PTCHD4: variants seen among roughly 807,000 people sequenced by gnomAD.
PTCHD4 encodes the protein patched domain-containing protein 4.
Under a neutral mutation model 58.1 loss-of-function variants are expected in PTCHD4, and 33 were observed. The ratio of observed to expected loss-of-function variants is 0.57; its 90% CI spans 0.43 to 0.76. PTCHD4 has a LOEUF of 0.76. Ranked by LOEUF, PTCHD4 falls within the 30% of genes least tolerant of loss-of-function variation. The probability of loss-of-function intolerance (pLI) is 0.00; values close to 1 mark genes in which losing one functional copy is unlikely to be tolerated. For missense variants in PTCHD4, 1,058 were observed against 1,027.1 expected, an observed-to-expected ratio of 1.03 and a Z score of -0.41; for synonymous variants, 478 against 409.6, an observed-to-expected ratio of 1.17 and a Z score of -2.02.
intron 3 of PTCHD4, among the ~76,000 whole-genome samples, chr6:48,041,290 C>A (rs186883106): frequency 1.7e-4 from 26 of 152,138 alleles, no homozygotes. Flanking sequence ...CTTTCCCTTA[C>A]TTAGTAATAT....
intron 4 of PTCHD4, among the ~76,000 whole-genome samples, chr6:47,893,697 G>T (rs186826965): frequency 6.6e-6 from 1 of 152,052 alleles, no homozygotes; most frequent in Admixed American, 6.5e-5. Flanking sequence ...ACAAATATCT[G>T]GTACACAATT....
intron 4 of PTCHD4, among the ~76,000 whole-genome samples, chr6:47,979,317 T>C (rs546866914): frequency 1.8e-4 from 28 of 151,942 alleles, no homozygotes; most frequent in Admixed American, 1.2e-3. Flanking sequence ...CTTGTGCATT[T>C]ATTGTATATA....
chr6:47,938,269 G>C (rs1444497080), intron 4 of PTCHD4, among the ~76,000 whole-genome samples: 3 of 152,212 alleles, frequency 2.0e-5, no homozygotes, highest in African/African-American at 4.8e-5. Context: ...TAGCAGTGTG[G>C]AGGTCAATGG....
At chr6:48,074,434 A>G (rs115934391) in intron 1 of PTCHD4, among the ~76,000 whole-genome samples, 73 of 152,354 alleles carry the variant, frequency 4.8e-4, no homozygotes, top group African/African-American at 1.7e-3. Flanking sequence ...CAAGATCCCA[A>G]GGAAGAAGCT....
chr6:47,935,224 AAATT>A (rs1425688961), intron 4 of PTCHD4, among the ~76,000 whole-genome samples: 1 of 152,198 alleles, frequency 6.6e-6, no homozygotes, highest in Non-Finnish European at 1.5e-5. Flanking sequence ...TTCTTGGGTT[AAATT>A]AATTAATTAA....
chr6:47,982,320 A>G (rs1343062805), intron 4 of PTCHD4, among the ~76,000 whole-genome samples: 1 of 152,012 alleles, frequency 6.6e-6, no homozygotes, highest in African/African-American at 2.4e-5. Context: ...TCTCCAACAA[A>G]TCTATCACAA....
intron 3 of PTCHD4, among the ~76,000 whole-genome samples, chr6:48,024,137 C>A (rs906806284): frequency 6.6e-6 from 1 of 152,074 alleles, no homozygotes; most frequent in African/African-American, 2.4e-5. Context: ...AGATAGCACC[C>A]TGTCTGTTAT....
rs10948386 is a variant in PTCHD4, at chr6:47,861,405, T to G, written c.*16898A>C. On this transcript the variant is annotated 3_prime_UTR_variant, in exon 5 of 5. Coordinates refer to ENST00000339488, the MANE Select transcript of PTCHD4 (RefSeq NM_001384253.1). The stretch of plus-strand genomic sequence containing the variant: ...GTAAAATTATGAGTTTGGGAACCTA[T>G]TTACACTTACATTCACTAATTTGTT... 0.62 allele frequency among the ~76,000 whole-genome samples: 93,830 copies of G among 151,736 alleles called. 29,670 individuals carry two copies. The highest frequency in any genetic ancestry group is 0.78 in the East Asian group (4,014 of 5,128).
At chr6:47,941,405 G>A (rs990479117) in intron 4 of PTCHD4, among the ~76,000 whole-genome samples, 3 of 152,042 alleles carry the variant, frequency 2.0e-5, no homozygotes, top group Non-Finnish European at 4.4e-5. Flanking sequence ...CCCTTCTAAT[G>A]GTTTTGAAGC....
At chr6:47,994,013 C>G (rs1401846025) in intron 4 of PTCHD4, among the ~76,000 whole-genome samples, 1 of 152,146 alleles carries the variant, frequency 6.6e-6, no homozygotes, top group Non-Finnish European at 1.5e-5. Flanking sequence ...AGATATGGAG[C>G]AGAGGCTGCC....
chr6:48,091,361 C>T (rs1009664688), intron 1 of PTCHD4, among the ~76,000 whole-genome samples: 4 of 151,428 alleles, frequency 2.6e-5, no homozygotes, highest in Non-Finnish European at 4.4e-5. Flanking sequence ...AAATATGGAC[C>T]TCAATCAAAT....
intron 4 of PTCHD4, among the ~76,000 whole-genome samples, chr6:48,002,277 G>C (rs1302084604): frequency 1.3e-5 from 2 of 152,116 alleles, no homozygotes; most frequent in South Asian, 2.1e-4. Flanking sequence ...ACCCAAAGGA[G>C]TATAAATCAT....
chr6:47,890,813 G>C (rs971987333), intron 4 of PTCHD4: 2 of 772,450 alleles, frequency 2.6e-6, no homozygotes, highest in East Asian at 1.3e-4. Flanking sequence ...GCACACACAG[G>C]ATGGCTTGCT....
At chr6:48,038,565 G>A (rs1478300293) in intron 3 of PTCHD4, among the ~76,000 whole-genome samples, 4 of 151,558 alleles carry the variant, frequency 2.6e-5, no homozygotes, top group South Asian at 4.2e-4. Context: ...GCTTGAACCC[G>A]GGAGACAGAG....
intron 4 of PTCHD4, among the ~76,000 whole-genome samples, chr6:48,004,494 TA>T (rs2114071149): frequency 6.6e-6 from 1 of 152,252 alleles, no homozygotes; most frequent in East Asian, 1.9e-4. Flanking sequence ...CACATCCACA[TA>T]AAGCAAATGA....
chr6:48,087,149 C>A (rs889501838), intron 1 of PTCHD4, among the ~76,000 whole-genome samples: 1 of 152,126 alleles, frequency 6.6e-6, no homozygotes, highest in Non-Finnish European at 1.5e-5. Context: ...TGTGACATGG[C>A]ATTTGTTTCA....
At chr6:47,921,688 G>C (rs1405968898) in intron 4 of PTCHD4, among the ~76,000 whole-genome samples, 1 of 152,092 alleles carries the variant, frequency 6.6e-6, no homozygotes, top group Non-Finnish European at 1.5e-5. Context: ...GGACCCTGAA[G>C]ACAAGGACAT....
intron 4 of PTCHD4, among the ~76,000 whole-genome samples, chr6:47,968,816 T>C (rs1275341945): frequency 1.3e-5 from 2 of 152,030 alleles, no homozygotes; most frequent in Non-Finnish European, 2.9e-5. Context: ...ATAATGAAAA[T>C]GAGAGAGAAA....
rs931657804 is a variant in PTCHD4, at chr6:47,864,571, G to T, written c.*13732C>A. Among the ~76,000 whole-genome samples the T allele has an allele frequency of 2.6e-5, 4 of 152,038 alleles. No individual in the cohort carries two copies. The highest frequency in any genetic ancestry group is 9.6e-5 in the African/African-American group (4 of 41,528). On this transcript the variant is annotated 3_prime_UTR_variant, in exon 5 of 5. Transcript: ENST00000339488. ...GGGCATCGCATAAAGCTACGTGGATGATCAAGCTGCTGTGTGGCCCCATTG... is the reference window on the plus strand; with the variant it reads ...GGGCATCGCATAAAGCTACGTGGATTATCAAGCTGCTGTGTGGCCCCATTG...
Sources: allele counts gnomAD v4.1 joint callset (sites outside exome capture counted in the v4.1 genomes callset), GRCh38; gene constraint gnomAD v4.1.1; transcripts MANE v1.5; gene names NCBI Gene and HGNC (gene_info 2026-07-23, HGNC 2026-07-21).